The following NCKAP5 variants were observed in gnomAD, a reference collection of about 807,000 sequenced individuals.
The protein encoded by NCKAP5 is nck-associated protein 5.
In NCKAP5, 92 loss-of-function variants were observed where a neutral mutation model predicts 167.0. The ratio of observed to expected loss-of-function variants is 0.55; its 90% confidence interval spans 0.47 to 0.66. The LOEUF is 0.66. Among genes scored for constraint, NCKAP5 ranks in the 30% least tolerant of loss-of-function variants. The pLI, the probability that NCKAP5 is intolerant of heterozygous loss-of-function variation, is 0.00. For missense variants in NCKAP5, 2,378 were observed against 2,315.0 expected, an observed-to-expected ratio of 1.03 and a Z score of -0.56; for synonymous variants, 891 against 877.4, an observed-to-expected ratio of 1.02 and a Z score of -0.27.
chr2:133,521,400 A>T (rs1205938812), intron 2 of NCKAP5, among the ~76,000 whole-genome samples: 1 of 152,266 alleles, frequency 6.6e-6, no homozygotes, highest in Non-Finnish European at 1.5e-5. Flanking sequence ...GCAAACTAAA[A>T]ATGACAGTTT....
intron 6 of NCKAP5, chr2:133,118,036 G>A (rs751724821): frequency 6.6e-6 from 1 of 152,164 alleles, no homozygotes. Context: ...CCCTTCTTCA[G>A]TTCTCTATTA....
At chr2:133,153,753 C>T (rs947468655) in intron 5 of NCKAP5, among the ~76,000 whole-genome samples, 14 of 144,102 alleles carry the variant, frequency 9.7e-5, no homozygotes, top group Non-Finnish European at 1.7e-4. Context: ...CCTTCCCCTC[C>T]CAACACACCC....
rs117703727 is a variant in NCKAP5 at position 132,701,026 on chromosome 2, T to C, written c.5713+24601A>G. On this transcript the variant is annotated intron_variant, in intron 19 of 19. Transcript: ENST00000409261. ...ATTTAGTCGGCAATAGGTCTGTGGG[T>C]AGGAAGCTTTTAATATAAGTAATAT... 7.4e-4 allele frequency among the ~76,000 whole-genome samples: 111 copies of C among 150,384 alleles called. 3 individuals carry two copies. In the East Asian group the frequency reaches 0.021, roughly 28 times the overall value.
At chr2:133,335,842 T>A (rs1203624879) in intron 3 of NCKAP5, among the ~76,000 whole-genome samples, 2 of 152,130 alleles carry the variant, frequency 1.3e-5, no homozygotes, top group Non-Finnish European at 2.9e-5. Context: ...AAAAATTGAT[T>A]TTATATGCTA....
At chr2:133,211,032 T>C (rs932365064) in intron 5 of NCKAP5, among the ~76,000 whole-genome samples, 2 of 146,300 alleles carry the variant, frequency 1.4e-5, no homozygotes, top group South Asian at 4.9e-4. Context: ...CTTTCTCTTT[T>C]ACTCTTCACC....
Position 132,672,973 on chromosome 2 carries a change from C to CAAAAAAA in NCKAP5, c.*315_*316insTTTTTTT. ...AGCGGTGCACCCCCCACCCCCCACC[C>CAAAAAAA]ATCATTTCTTAAGCGCTCCAGTCCC... On this transcript the variant is annotated 3_prime_UTR_variant, in exon 20 of 20. Transcript: ENST00000409261. 1 of 233,498 alleles carries CAAAAAAA rather than the reference C, an allele frequency of 4.3e-6. No individual in the cohort carries two copies. The highest frequency in any genetic ancestry group is 3.0e-5 in the African/African-American group (1 of 33,032). The allele number at this position is 233,498 out of a possible 1,614,324, so 14.5% of individuals were successfully genotyped here. A position where few individuals can be genotyped will look rare whatever the true frequency, so the allele number is the denominator to read the frequency against.
intron 8 of NCKAP5, among the ~76,000 whole-genome samples, chr2:132,924,058 C>G (rs1695654507): frequency 6.6e-6 from 1 of 152,188 alleles, no homozygotes; most frequent in South Asian, 2.1e-4. Context: ...CCAGCAGGGT[C>G]TGCAGAGCCA....
At chr2:132,681,312 C>T (rs2566529) in intron 19 of NCKAP5, among the ~76,000 whole-genome samples, 98,907 of 151,218 alleles carry the variant, frequency 0.65, 33,555 homozygotes, top group African/African-American at 0.85. Context: ...AATAAATATA[C>T]ATACTACTCA....
intron 5 of NCKAP5, among the ~76,000 whole-genome samples, chr2:133,181,389 G>GA (rs938761202): frequency 1.3e-5 from 2 of 151,472 alleles, no homozygotes; most frequent in Non-Finnish European, 2.9e-5. Context: ...TACATGCAAG[G>GA]AAAAAAAGCA....
At chr2:132,719,708 C>T (rs1255461859) in intron 19 of NCKAP5, among the ~76,000 whole-genome samples, 2 of 152,204 alleles carry the variant, frequency 1.3e-5, no homozygotes, top group Non-Finnish European at 2.9e-5. Flanking sequence ...GTGAGTGGGA[C>T]AGAGGCAGAC....
intron 10 of NCKAP5, among the ~76,000 whole-genome samples, chr2:132,862,321 T>C (rs901762750): frequency 6.6e-6 from 1 of 152,248 alleles, no homozygotes. Flanking sequence ...TATAGCCCAC[T>C]ACAGTTTCAA....
At chr2:132,941,835 T>C (rs969733689) in intron 8 of NCKAP5, among the ~76,000 whole-genome samples, 15 of 152,210 alleles carry the variant, frequency 9.9e-5, no homozygotes, top group Admixed American at 1.3e-4. Flanking sequence ...AAAATAATTA[T>C]TGATGAAAGA....
intron 2 of NCKAP5, among the ~76,000 whole-genome samples, chr2:133,529,701 G>T (rs1451291893): frequency 1.3e-5 from 2 of 152,144 alleles, no homozygotes; most frequent in South Asian, 4.1e-4. Flanking sequence ...TATCATAGCT[G>T]AACAGAACCA....
intron 19 of NCKAP5, among the ~76,000 whole-genome samples, chr2:132,705,635 T>C (rs1688289406): frequency 6.6e-6 from 1 of 152,050 alleles, no homozygotes; most frequent in Non-Finnish European, 1.5e-5. Flanking sequence ...TGAATCATGA[T>C]GTGTTCACCT....
chr2:132,708,431 G>A (rs1688556970), intron 19 of NCKAP5, among the ~76,000 whole-genome samples: 1 of 152,122 alleles, frequency 6.6e-6, no homozygotes, highest in Admixed American at 6.5e-5. Flanking sequence ...CTTGTCATGG[G>A]CCTAGGGCAG....
At chr2:133,219,119 G>A (rs746941795) in intron 4 of NCKAP5, among the ~76,000 whole-genome samples, 3 of 152,246 alleles carry the variant, frequency 2.0e-5, no homozygotes, top group South Asian at 2.1e-4. Flanking sequence ...TAGAAACACC[G>A]TTTTATATCT....
At chr2:133,008,814 C>A (rs1323491254) in intron 6 of NCKAP5, among the ~76,000 whole-genome samples, 3 of 152,036 alleles carry the variant, frequency 2.0e-5, no homozygotes, top group Non-Finnish European at 4.4e-5. Flanking sequence ...AAAAATGAAC[C>A]CTGAGAGTAA....
intron 3 of NCKAP5, among the ~76,000 whole-genome samples, chr2:133,418,254 G>C (rs1378672327): frequency 6.6e-6 from 1 of 152,198 alleles, no homozygotes; most frequent in Admixed American, 6.5e-5. Flanking sequence ...AGTACCTTGG[G>C]TGATGGGCAT....
intron 3 of NCKAP5, among the ~76,000 whole-genome samples, chr2:133,382,502 C>G (rs2150953524): frequency 6.6e-6 from 1 of 152,284 alleles, no homozygotes; most frequent in Admixed American, 6.5e-5. Flanking sequence ...TGCCTCACCC[C>G]TTAACTCTCT....
Sources: allele counts gnomAD v4.1 joint callset (sites outside exome capture counted in the v4.1 genomes callset), GRCh38; gene constraint gnomAD v4.1.1; transcripts MANE v1.5; gene names NCBI Gene and HGNC (gene_info 2026-07-23, HGNC 2026-07-21).